PLPPR4: variants seen among roughly 807,000 people sequenced by gnomAD.
The protein encoded by PLPPR4 is phospholipid phosphatase-related protein type 4.
In PLPPR4, 24 loss-of-function variants were observed where a neutral mutation model predicts 56.6. That is an observed-to-expected ratio of 0.42 (90% CI 0.31 to 0.60). The LOEUF is 0.60. Among genes scored for constraint, PLPPR4 ranks in the 20% least tolerant of loss-of-function variants. The probability of loss-of-function intolerance (pLI) is 0.13; values close to 1 mark genes in which losing one functional copy is unlikely to be tolerated. For missense variants in PLPPR4, 654 were observed against 885.8 expected, an observed-to-expected ratio of 0.74 and a Z score of 3.32; for synonymous variants, 326 against 328.1, an observed-to-expected ratio of 0.99 and a Z score of 0.07.
rs1302328635 is a variant in PLPPR4, at chr1:99,296,769, G to A, written c.296G>A (p.Cys99Tyr). The A allele has an allele frequency of 1.9e-6, 3 of 1,604,712 alleles. No individual in the cohort carries two copies. Among genetic ancestry groups the A allele is most frequent in the Non-Finnish European group, 8.5e-7 (1 of 1,173,702 alleles). Residue 99 changes from cysteine to tyrosine, a missense_variant, in exon 3 of 7, where the codon TGC (cysteine) becomes TAC (tyrosine). Cys to Tyr is a radical substitution (Grantham distance 194). Around this residue, in one of 2 missense-constraint regions of PLPPR4, gnomAD observed 186 missense variants for 331.4 expected, o/e 0.56. Coordinates refer to ENST00000370185, the MANE Select transcript of PLPPR4 (RefSeq NM_014839.5). Reference protein sequence around the residue: ...IMVGEGILYCCLSKRRNGVGL... With the variant: ...IMVGEGILYCYLSKRRNGVGL... ...GTAGGAGAAGGAATTCTCTACTGTTGCCTCTCCAAAAGAAGAAATGGGGTC... is the reference window on the plus strand; with the variant it reads ...GTAGGAGAAGGAATTCTCTACTGTTACCTCTCCAAAAGAAGAAATGGGGTC...
chr1:99,265,195 C>G (rs901914395), intron 1 of PLPPR4, among the ~76,000 whole-genome samples: 15 of 130,858 alleles, frequency 1.1e-4, no homozygotes, highest in East Asian at 5.4e-4. Context: ...TGCTCACATA[C>G]GCTTCTGAAA....
Position 99,301,876 on chromosome 1 carries a change from A to C in PLPPR4, c.801A>C (p.Gly267=), listed in dbSNP as rs1419308185. Reference sequence around the variant, plus strand: ...ATGTCTATTGTGGCTTTTTAATAGGAGGAGGAATTGCACTGTACTTGGTAA... The same window carrying C: ...ATGTCTATTGTGGCTTTTTAATAGGCGGAGGAATTGCACTGTACTTGGTAA... The part of the protein sequence containing the change: ...PVDVYCGFLI[G]GGIALYLGLY... Residue 267 remains glycine, a synonymous_variant, in exon 6 of 7, where the codon GGA becomes GGC. Transcript: ENST00000370185. 1.2e-6 allele frequency: 2 copies of C among 1,611,128 alleles called. No homozygotes were observed. The highest frequency in any genetic ancestry group is 1.7e-6 in the Non-Finnish European group (2 of 1,178,054).
At chr1:99,272,547 T>G (rs777171125) in intron 1 of PLPPR4, among the ~76,000 whole-genome samples, 2 of 152,120 alleles carry the variant, frequency 1.3e-5, no homozygotes, top group African/African-American at 2.4e-5. Flanking sequence ...CACCTTACAT[T>G]AAACAAGTCA....
In PLPPR4 at chr1:99,297,463, T is replaced by C. The variant is rs545385075; in HGVS notation, c.394+596T>C. 3.1e-3 allele frequency among the ~76,000 whole-genome samples: 471 copies of C among 152,310 alleles called. 2 individuals carry two copies. Among genetic ancestry groups the C allele is most frequent in the African/African-American group, 0.011 (459 of 41,564 alleles). On this transcript the variant is annotated intron_variant, in intron 3 of 6. Transcript: ENST00000370185. ...AACCTTCATCTCTTCTGCTTAGCAT[T>C]GGACCATCCTAATGTTGTTCCAGTC...
intron 5 of PLPPR4, 140 bp downstream of exon 5, chr1:99,301,106 T>C (rs948797008): frequency 4.2e-6 from 3 of 708,228 alleles, no homozygotes; most frequent in Admixed American, 4.9e-5. Flanking sequence ...TTCAATACAA[T>C]GGCATCCAAA....
rs535933000 is a variant in PLPPR4 at position 99,294,563 on chromosome 1, G to A, written c.265-2175G>A. Among the ~76,000 whole-genome samples, 5 of 152,100 alleles carry A rather than the reference G, an allele frequency of 3.3e-5. No individual in the cohort carries two copies. The South Asian group carries it at 8.3e-4, about 25-fold the overall frequency. On this transcript the variant is annotated intron_variant, in intron 2 of 6. Transcript: ENST00000370185. ...ATACAAAAATCAGCCAACCTTGGTG[G>A]TGCATGCCTATATTCCCAGCTACTT... is the stretch of plus-strand genomic sequence containing the variant.
intron 1 of PLPPR4, among the ~76,000 whole-genome samples, chr1:99,270,886 T>C (rs1370812690): frequency 6.6e-6 from 1 of 152,200 alleles, no homozygotes; most frequent in East Asian, 1.9e-4. Flanking sequence ...AAAGTCACAA[T>C]GCATAAAGTC....
At chr1:99,286,161 T>G (rs189372796) in intron 1 of PLPPR4, among the ~76,000 whole-genome samples, 1 of 152,326 alleles carries the variant, frequency 6.6e-6, no homozygotes, top group Non-Finnish European at 1.5e-5. Context: ...TAACTTTTAG[T>G]GTGAGTATCT....
intron 1 of PLPPR4, among the ~76,000 whole-genome samples, chr1:99,276,914 T>C (rs1659200387): frequency 6.6e-6 from 1 of 152,138 alleles, no homozygotes; most frequent in Non-Finnish European, 1.5e-5. Flanking sequence ...TCTCACAAAA[T>C]TGCCCATGTT....
intron 1 of PLPPR4, among the ~76,000 whole-genome samples, chr1:99,279,399 C>T (rs1485371195): frequency 6.6e-6 from 1 of 152,136 alleles, no homozygotes; most frequent in African/African-American, 2.4e-5. Context: ...AAAATAAAAG[C>T]AGACCATATC....
At chr1:99,268,136 G>C (rs1484601914) in intron 1 of PLPPR4, among the ~76,000 whole-genome samples, 2 of 152,214 alleles carry the variant, frequency 1.3e-5, no homozygotes, top group African/African-American at 4.8e-5. Context: ...CATAGGCAAA[G>C]TTACTTTCTA....
Position 99,305,761 on chromosome 1 carries a change from C to G in PLPPR4, c.899C>G (p.Thr300Arg). 1 of 1,613,946 alleles carries G rather than the reference C, an allele frequency of 6.2e-7. No individual in the cohort carries two copies. The highest frequency in any genetic ancestry group is 8.5e-7 in the Non-Finnish European group (1 of 1,179,906). ...CACAGAGACGCCCTCAGGTCTCTGA[C>G]AGACCTCAATCAAGATCCCAACCGA... is the stretch of plus-strand genomic sequence containing the variant. Reference protein sequence around the residue: ...FQHRDALRSLTDLNQDPNRLL... With the variant: ...FQHRDALRSLRDLNQDPNRLL... The change falls in exon 7 of 7, where the codon ACA (threonine) becomes AGA (arginine). Residue 300 changes from threonine to arginine, a missense_variant. Physicochemically the swap from Thr to Arg is moderately conservative, Grantham distance 71. This residue lies in a region of PLPPR4 where 468 missense variants were observed against 554.3 expected (regional missense o/e 0.84). Coordinates refer to ENST00000370185, the MANE Select transcript of PLPPR4 (RefSeq NM_014839.5).
At chr1:99,270,001 G>T (rs1191124120) in intron 1 of PLPPR4, among the ~76,000 whole-genome samples, 1 of 52,600 alleles carries the variant, frequency 1.9e-5, no homozygotes, top group Non-Finnish European at 3.8e-5. Flanking sequence ...TTCCTTTTGT[G>T]TGTGTGTGTG....
Position 99,288,150 on chromosome 1 carries a change from G to A in PLPPR4, c.264G>A (p.Thr88=). The A allele has an allele frequency of 1.2e-6, 2 of 1,612,052 alleles. No homozygotes were observed. Among genetic ancestry groups the A allele is most frequent in the Non-Finnish European group, 1.7e-6 (2 of 1,179,074 alleles). Reference sequence around the variant, plus strand: ...TGGCTTTTGCTGGACCTGCAATTACGGTAAGAATTACCCCCAAAATTGTGT... The same window carrying A: ...TGGCTTTTGCTGGACCTGCAATTACAGTAAGAATTACCCCCAAAATTGTGT... ...LSLAFAGPAI[T]IMVGEGILYC... The change falls in exon 2 of 7, where the codon ACG becomes ACA. Residue 88 remains threonine (T), a splice_region_variant and synonymous_variant. Coordinates refer to ENST00000370185, the MANE Select transcript of PLPPR4 (RefSeq NM_014839.5).
At chr1:99,278,732 C>T (rs1009464157) in intron 1 of PLPPR4, among the ~76,000 whole-genome samples, 1 of 152,144 alleles carries the variant, frequency 6.6e-6, no homozygotes, top group Non-Finnish European at 1.5e-5. Flanking sequence ...GGTAATAAAA[C>T]AACCACTTAT....
chr1:99,294,669 C>T (rs918032961), intron 2 of PLPPR4, among the ~76,000 whole-genome samples: 2 of 149,148 alleles, frequency 1.3e-5, no homozygotes, highest in Non-Finnish European at 3.0e-5. Flanking sequence ...GCACTCCAGC[C>T]TGGCCTGCAG....
intron 2 of PLPPR4, among the ~76,000 whole-genome samples, chr1:99,292,280 G>A (rs758213144): frequency 8.5e-5 from 13 of 152,112 alleles, no homozygotes; most frequent in Non-Finnish European, 1.0e-4. Context: ...TACATGTCCT[G>A]GGGACAATAA....
intron 4 of PLPPR4, among the ~76,000 whole-genome samples, chr1:99,299,548 A>G (rs781441906): frequency 1.3e-5 from 2 of 152,088 alleles, no homozygotes; most frequent in Non-Finnish European, 2.9e-5. Context: ...GAATATTTAC[A>G]GTCAGTCATG....
intron 6 of PLPPR4, among the ~76,000 whole-genome samples, chr1:99,303,872 T>C (rs538775646): frequency 1.3e-5 from 2 of 152,308 alleles, no homozygotes; most frequent in South Asian, 4.1e-4. Context: ...GTTGGCAATG[T>C]GCATTGCAGA....
Sources: gnomAD v4.1 joint callset for allele counts (sites outside exome capture counted in the v4.1 genomes callset) on GRCh38, gnomAD v4.1.1 for gene constraint, gnomAD v4.1.1 regional missense constraint, MANE v1.5 for transcripts, NCBI Gene and HGNC (gene_info 2026-07-23, HGNC 2026-07-21) for gene names.